Variants in CRISPLD2 observed in about 807,000 individuals in gnomAD.
CRISPLD2 encodes cysteine-rich secretory protein LCCL domain-containing 2.
Under a neutral mutation model 71.1 loss-of-function variants are expected in CRISPLD2, and 47 were observed. The observed-to-expected ratio is 0.66, with a 90% CI of 0.52 to 0.84. The LOEUF is 0.84. CRISPLD2 is among the 40% of genes least tolerant of loss of function. The probability of loss-of-function intolerance (pLI) is 0.00; values close to 1 mark genes in which losing one functional copy is unlikely to be tolerated. For synonymous variants in CRISPLD2, 317 were observed against 250.1 expected (o/e 1.27, Z -2.52); for missense variants, 830 against 651.1 (o/e 1.27, Z -2.99).
intron 1 of CRISPLD2, among the ~76,000 whole-genome samples, chr16:84,835,820 A>G (rs1916604494): frequency 6.6e-6 from 1 of 152,178 alleles, no homozygotes; most frequent in Non-Finnish European, 1.5e-5. Flanking sequence ...GGCCAGTCAG[A>G]TCTCCTGGGA....
chr16:84,853,558 G>T (rs1917148151), intron 5 of CRISPLD2, among the ~76,000 whole-genome samples: 1 of 152,230 alleles, frequency 6.6e-6, no homozygotes, highest in African/African-American at 2.4e-5. Flanking sequence ...GGTGAGGCCA[G>T]GGTGCTTCTG....
chr16:84,886,088 C>G (rs530811664), intron 13 of CRISPLD2, among the ~76,000 whole-genome samples: 2 of 152,208 alleles, frequency 1.3e-5, no homozygotes, highest in East Asian at 3.9e-4. Flanking sequence ...TGGGGTTTCA[C>G]CATGTTGGTC....
intron 3 of CRISPLD2, among the ~76,000 whole-genome samples, chr16:84,846,801 T>C (rs1479746852): frequency 6.6e-6 from 1 of 152,088 alleles, no homozygotes; most frequent in Admixed American, 6.5e-5. Flanking sequence ...CCCCTCTCCT[T>C]CCCTGTCTGG....
At chr16:84,896,948 C>T (rs552253278) in intron 14 of CRISPLD2, among the ~76,000 whole-genome samples, 6 of 152,330 alleles carry the variant, frequency 3.9e-5, no homozygotes, top group African/African-American at 4.8e-5. Flanking sequence ...CAGAACCGGC[C>T]GTCCACCCTC....
chr16:84,865,512 A>T (rs1030104314), intron 6 of CRISPLD2, among the ~76,000 whole-genome samples: 3 of 152,270 alleles, frequency 2.0e-5, no homozygotes, highest in African/African-American at 7.2e-5. Flanking sequence ...TGCTCTAGTT[A>T]TTCTCCTTGA....
intron 1 of CRISPLD2, among the ~76,000 whole-genome samples, chr16:84,821,058 C>T (rs1018507027): frequency 4.6e-5 from 7 of 152,172 alleles, no homozygotes; most frequent in Non-Finnish European, 7.4e-5. Flanking sequence ...GAGTTGCTGC[C>T]CTGGCTGAGA....
intron 14 of CRISPLD2, among the ~76,000 whole-genome samples, chr16:84,893,009 C>G (rs1365042163): frequency 6.7e-6 from 1 of 148,410 alleles, no homozygotes; most frequent in African/African-American, 2.5e-5. Context: ...GTCACTCATT[C>G]ACTGAATATT....
At chr16:84,854,615 C>T (rs1917182747) in intron 5 of CRISPLD2, 114 bp from the exon 6 acceptor site, 1 of 762,504 alleles carries the variant, frequency 1.3e-6, no homozygotes, top group East Asian at 2.5e-5. Flanking sequence ...ACAACCTTCC[C>T]CCCTGACCTG....
chr16:84,888,242 C>A (rs572557381), intron 13 of CRISPLD2, among the ~76,000 whole-genome samples: 2 of 152,150 alleles, frequency 1.3e-5, no homozygotes, highest in African/African-American at 4.8e-5. Context: ...ATCTTCAAAA[C>A]CAACAATTGG....
intron 7 of CRISPLD2, among the ~76,000 whole-genome samples, chr16:84,868,580 G>A (rs1247553589): frequency 2.0e-5 from 3 of 152,216 alleles, no homozygotes; most frequent in African/African-American, 7.2e-5. Flanking sequence ...GCCCTTGGAG[G>A]TGGGTACTGT....
intron 1 of CRISPLD2, among the ~76,000 whole-genome samples, chr16:84,821,640 A>T: frequency 6.6e-6 from 1 of 152,168 alleles, no homozygotes; most frequent in Non-Finnish European, 1.5e-5. Context: ...CCTGACCTTC[A>T]CACAGGTGAT....
intron 1 of CRISPLD2, among the ~76,000 whole-genome samples, chr16:84,823,105 A>C (rs1160683914): frequency 1.3e-5 from 2 of 152,202 alleles, no homozygotes; most frequent in Non-Finnish European, 2.9e-5. Context: ...ATGGAACCAC[A>C]CAATGTGTGG....
At chr16:84,877,326 G>C (rs1597473981) in intron 11 of CRISPLD2, 112 bp from the exon 12 acceptor site, 1 of 908,270 alleles carries the variant, frequency 1.1e-6, no homozygotes, top group Non-Finnish European at 1.7e-6. Context: ...CTCTATTCAA[G>C]GGCCCAGGGA....
chr16:84,886,324 G>C (rs145748723), intron 13 of CRISPLD2, among the ~76,000 whole-genome samples: 2 of 152,334 alleles, frequency 1.3e-5, no homozygotes, highest in Non-Finnish European at 2.9e-5. Flanking sequence ...AGTGGATCCT[G>C]AGACACAGGC....
chr16:84,826,507 G>A (rs1399841997), intron 1 of CRISPLD2, among the ~76,000 whole-genome samples: 4 of 152,210 alleles, frequency 2.6e-5, no homozygotes, highest in Non-Finnish European at 5.9e-5. Flanking sequence ...TTTCCTCAAG[G>A]GCATTGAAGA....
intron 1 of CRISPLD2, among the ~76,000 whole-genome samples, chr16:84,833,816 A>G (rs547047691): frequency 6.6e-6 from 1 of 152,284 alleles, no homozygotes; most frequent in South Asian, 2.1e-4. Context: ...CTTCTCATCA[A>G]CAGAGGCACC....
intron 1 of CRISPLD2, among the ~76,000 whole-genome samples, chr16:84,820,349 G>A (rs1916203739): frequency 6.6e-6 from 1 of 152,200 alleles, no homozygotes; most frequent in Admixed American, 6.5e-5. Context: ...GGACCTCGCA[G>A]CCAGGACTCC....
chr16:84,862,828 G>T (rs190340041), intron 6 of CRISPLD2, among the ~76,000 whole-genome samples: 2 of 152,218 alleles, frequency 1.3e-5, no homozygotes, highest in Admixed American at 6.5e-5. Flanking sequence ...AAGTGGGCTA[G>T]ATCAGTGGTC....
In CRISPLD2 at chr16:84,873,095, C is replaced by G. The variant is rs1469472532; in HGVS notation, c.1085C>G (p.Ser362Cys). ...GGGAAGGTCCCCTTCTTCGTGAAGTCTGAGAGACACGGCGTGCAGTCCCTC... is the reference window on the plus strand; with the variant it reads ...GGGAAGGTCCCCTTCTTCGTGAAGTGTGAGAGACACGGCGTGCAGTCCCTC... ...RNGKVPFFVK[S>C]ERHGVQSLSK... The change falls in exon 10 of 15, where the codon TCT (serine) becomes TGT (cysteine). Residue 362 changes from serine to cysteine, a missense_variant. Coordinates refer to ENST00000262424, the MANE Select transcript of CRISPLD2 (RefSeq NM_031476.4). 1.2e-6 allele frequency: 2 copies of G among 1,613,952 alleles called. No homozygotes were observed. The highest frequency in any genetic ancestry group is 1.7e-6 in the Non-Finnish European group (2 of 1,179,942).
Sources: gnomAD v4.1 joint callset for allele counts (sites outside exome capture counted in the v4.1 genomes callset) on GRCh38, gnomAD v4.1.1 for gene constraint, MANE v1.5 for transcripts, NCBI Gene and HGNC (gene_info 2026-07-23, HGNC 2026-07-21) for gene names.